The following SPDYE17 variants were observed in gnomAD, a reference collection of about 807,000 sequenced individuals.
SPDYE17 encodes speedy/RINGO cell cycle regulator family member E17, also known as speedy protein E17.
For missense variants in SPDYE17, 7 were observed against 38.0 expected (o/e 0.18, Z 2.15); for synonymous variants, 4 against 14.8 (o/e 0.27, Z 1.68).
intron 5 of SPDYE17, among the ~76,000 whole-genome samples, chr7:77,026,156 A>G (rs1225464808): frequency 3.6e-5 from 5 of 137,110 alleles, no homozygotes; most frequent in African/African-American, 1.4e-4. Context: ...CCTTCCCTTC[A>G]GAGCCACATG....
At chr7:77,025,930 A>G (rs868731764) in intron 5 of SPDYE17, among the ~76,000 whole-genome samples, 3 of 140,654 alleles carry the variant, frequency 2.1e-5, no homozygotes, top group Non-Finnish European at 4.6e-5. Flanking sequence ...GTCTGTCTCA[A>G]AAAAAAAAAA....
intron 5 of SPDYE17, among the ~76,000 whole-genome samples, chr7:77,025,922 C>G (rs1338521088): frequency 6.3e-5 from 9 of 142,972 alleles, no homozygotes; most frequent in African/African-American, 2.3e-4. Context: ...CAGGGCAAGT[C>G]TGTCTCAAAA....
chr7:77,029,475 G>T, intron 2 of SPDYE17, 24 bp from the exon 3 acceptor site: 1 of 84,052 alleles, frequency 1.2e-5, no homozygotes, highest in Non-Finnish European at 1.8e-5. Flanking sequence ...CCAGGCCACC[G>T]TGTAATGCTT....
At chr7:77,026,453 G>A (rs1288526745) in intron 5 of SPDYE17, among the ~76,000 whole-genome samples, 1 of 149,070 alleles carries the variant, frequency 6.7e-6, no homozygotes, top group African/African-American at 2.5e-5. Context: ...CCAGCAGGGA[G>A]CATTTGACAG....
Position 77,029,408 on chromosome 7 carries a change from C to G in SPDYE17, c.174G>C (p.Trp58Cys), listed in dbSNP as rs1180595832. The G allele has an allele frequency of 3.5e-5, 4 of 114,490 alleles. No individual in the cohort carries two copies. Among genetic ancestry groups the G allele is most frequent in the Non-Finnish European group, 5.3e-5 (4 of 75,828 alleles). 7.1% of individuals were successfully genotyped at this position (114,490 alleles called of 1,614,324 possible). A position where few individuals can be genotyped will look rare whatever the true frequency, so the allele number is the denominator to read the frequency against. The change falls in exon 3 of 8, where the codon TGG (tryptophan) becomes TGC (cysteine). Residue 58 changes from tryptophan (W) to cysteine (C), a missense_variant. Physicochemically the swap from Trp to Cys is radical, Grantham distance 215. Coordinates refer to ENST00000671986, the MANE Select transcript of SPDYE17 (RefSeq NM_001351351.3). ...DPSPPRRSLGWKRKRECLDES... is the reference protein window; with the variant it reads ...DPSPPRRSLGCKRKRECLDES... Reference sequence around the variant, plus strand: ...CATCCAAACATTCCCTCTTCCTTTTCCAGCCAAGGGACCTACGTGGGGGGC... The same window carrying G: ...CATCCAAACATTCCCTCTTCCTTTTGCAGCCAAGGGACCTACGTGGGGGGC...
Position 77,027,733 on chromosome 7 carries a change from C to T in SPDYE17, c.408+409G>A, listed in dbSNP as rs539374091. ...GGGAGCTGGTCAGACACAGTGCTGA[C>T]GTCTGTAATCTGAGCACTTTGGGAG... On this transcript the variant is annotated intron_variant, in intron 4 of 7. Transcript: ENST00000671986. 1.1e-3 allele frequency among the ~76,000 whole-genome samples: 137 copies of T among 125,346 alleles called. 10 individuals are homozygous for T. The highest frequency in any genetic ancestry group is 3.6e-3 in the African/African-American group (127 of 35,356). 82.2% of individuals were successfully genotyped at this position (125,346 alleles called of 152,430 possible). A position where few individuals can be genotyped will look rare whatever the true frequency, so the allele number is the denominator to read the frequency against.
intron 4 of SPDYE17, 38 bp from the exon 5 acceptor site, chr7:77,026,952 C>G: frequency 2.1e-6 from 1 of 466,898 alleles, no homozygotes; most frequent in Non-Finnish European, 3.5e-6. Flanking sequence ...GGAGAGGTCA[C>G]ATCTTGGGAG....
intron 5 of SPDYE17, chr7:77,025,806 C>G (rs1378138665): frequency 7.0e-6 from 1 of 143,534 alleles, no homozygotes; most frequent in Non-Finnish European, 1.5e-5. Context: ...TGGTACAGCC[C>G]TGTAGTCGGA....
intron 5 of SPDYE17, chr7:77,025,546 A>G (rs1789417466): frequency 1.2e-5 from 2 of 162,790 alleles, no homozygotes; most frequent in Non-Finnish European, 2.3e-5. Context: ...GGAGTTTGAG[A>G]CCAGCCTGGT....
intron 1 of SPDYE17, among the ~76,000 whole-genome samples, chr7:77,031,923 T>C (rs1232811820): frequency 1.9e-5 from 1 of 51,916 alleles, no homozygotes; most frequent in Non-Finnish European, 3.1e-5. Context: ...AACCTGTGGG[T>C]TCCGGCCAGG....
At chr7:77,026,487 A>T (rs1292093752) in intron 5 of SPDYE17, among the ~76,000 whole-genome samples, 1 of 149,682 alleles carries the variant, frequency 6.7e-6, no homozygotes, top group East Asian at 2.1e-4. Context: ...TGCAAGGGGG[A>T]CCTGGACTGT....
At chr7:77,026,180 C>T (rs1361638238) in intron 5 of SPDYE17, among the ~76,000 whole-genome samples, 1 of 138,916 alleles carries the variant, frequency 7.2e-6, no homozygotes, top group Non-Finnish European at 1.5e-5. Context: ...GCGGGACACC[C>T]AGACAGAAAA....
At chr7:77,025,562 CAG>C (rs1412619437) in intron 5 of SPDYE17, 1 of 139,668 alleles carries the variant, frequency 7.2e-6, no homozygotes, top group Non-Finnish European at 1.4e-5. Flanking sequence ...CTGGTCAACA[CAG>C]AGAAACCCCA....
rs1459451369 is a variant in SPDYE17 at position 77,027,988 on chromosome 7, G to C, written c.408+154C>G. ...CCAGCCTGGGCAACAGAGCAAGACT[G>C]TGTCTCACAAAAAAAAACAAAAACA... On this transcript the variant is annotated intron_variant, in intron 4 of 7. Coordinates refer to ENST00000671986, the MANE Select transcript of SPDYE17 (RefSeq NM_001351351.3). Among the ~76,000 whole-genome samples the C allele has an allele frequency of 3.2e-4, 42 of 130,986 alleles. 5 individuals are homozygous for C. Among genetic ancestry groups the C allele is most frequent in the African/African-American group, 7.5e-4 (28 of 37,362 alleles). The allele number at this position is 130,986 out of a possible 152,430, so 85.9% of individuals were successfully genotyped here.
intron 2 of SPDYE17, among the ~76,000 whole-genome samples, chr7:77,030,003 AG>A (rs1032976297): frequency 8.7e-6 from 1 of 115,362 alleles, no homozygotes; most frequent in Admixed American, 1.1e-4. Context: ...CACTGCACCC[AG>A]CCTGAATTTC....
intron 5 of SPDYE17, among the ~76,000 whole-genome samples, chr7:77,025,967 A>G (rs1212580012): frequency 2.1e-5 from 3 of 139,990 alleles, no homozygotes; most frequent in African/African-American, 8.0e-5. Flanking sequence ...ATATTTTGCC[A>G]GGACCCTGCC....
chr7:77,022,816 A>G lies in SPDYE17; in HGVS notation c.*1017T>C, dbSNP rs1789390262. ...TATTTAAAGTAATAATAATATTTAA[A>G]TAAATAAATATATTTAATAAATATT... On this transcript the variant is annotated 3_prime_UTR_variant, in exon 8 of 8. Transcript: ENST00000671986. Among the ~76,000 whole-genome samples, 1 of 121,092 alleles carries G rather than the reference A, an allele frequency of 8.3e-6. No individual in the cohort carries two copies. Among genetic ancestry groups the G allele is most frequent in the African/African-American group, 2.7e-5 (1 of 36,380 alleles). 79.4% of individuals were successfully genotyped at this position (121,092 alleles called of 152,430 possible). A position where few individuals can be genotyped will look rare whatever the true frequency, so the allele number is the denominator to read the frequency against.
chr7:77,027,069 AG>A lies in SPDYE17; in HGVS notation c.409-156del, dbSNP rs1220717518. 1.3e-3 allele frequency among the ~76,000 whole-genome samples: 144 copies of A among 108,466 alleles called. 5 individuals are homozygous for A. The highest frequency in any genetic ancestry group is 4.6e-3 in the African/African-American group (139 of 30,012). 71.2% of individuals were successfully genotyped at this position (108,466 alleles called of 152,430 possible). A position where few individuals can be genotyped will look rare whatever the true frequency, so the allele number is the denominator to read the frequency against. On this transcript the variant is annotated intron_variant, in intron 4 of 7. Transcript: ENST00000671986. ...TGCTCATGTGGAAATTGCGGGGTGG[AG>A]GGGTATTCGAAGGTCGGATGCAAAT...
intron 5 of SPDYE17, chr7:77,025,619 C>G (rs1469161987): frequency 1.6e-5 from 2 of 122,326 alleles, no homozygotes; most frequent in African/African-American, 6.3e-5. Context: ...GTGGCACACC[C>G]ATTAGTCCTA....
Sources: gnomAD v4.1 joint callset for allele counts (sites outside exome capture counted in the v4.1 genomes callset) on GRCh38, gnomAD v4.1.1 for gene constraint, MANE v1.5 for transcripts, NCBI Gene and HGNC (gene_info 2026-07-23, HGNC 2026-07-21) for gene names.